CPA6: variants seen among roughly 807,000 people sequenced by gnomAD.
CPA6 encodes the protein carboxypeptidase B.
Under a neutral mutation model 63.3 loss-of-function variants are expected in CPA6, and 58 were observed. That is an observed-to-expected ratio of 0.92 (90% CI 0.74 to 1.14). The LOEUF is 1.14. CPA6 is among the 50% of genes most tolerant of loss of function. The pLI, the probability that CPA6 is intolerant of heterozygous loss-of-function variation, is 0.00. For missense variants in CPA6, 565 were observed against 526.6 expected, an observed-to-expected ratio of 1.07 and a Z score of -0.71; for synonymous variants, 185 against 179.0, an observed-to-expected ratio of 1.03 and a Z score of -0.27.
At chr8:67,595,291 C>T (rs571679092) in intron 2 of CPA6, among the ~76,000 whole-genome samples, 3,415 of 152,222 alleles carry the variant, frequency 0.022, 67 homozygotes, top group African/African-American at 0.051. Flanking sequence ...TCTGCCCCTG[C>T]TCGGGGGTGC....
intron 2 of CPA6, among the ~76,000 whole-genome samples, chr8:67,620,440 TTCTG>T (rs1815053263): frequency 6.6e-6 from 1 of 152,178 alleles, no homozygotes; most frequent in Admixed American, 6.5e-5. Context: ...TATCTTAGAA[TTCTG>T]TCTATCACAG....
chr8:67,708,988 C>T (rs1817196851), intron 1 of CPA6, among the ~76,000 whole-genome samples: 2 of 152,142 alleles, frequency 1.3e-5, no homozygotes, highest in Admixed American at 1.3e-4. Flanking sequence ...TAGAAAACAC[C>T]TGAATCTAGT....
intron 8 of CPA6, among the ~76,000 whole-genome samples, chr8:67,462,334 G>A (rs900976543): frequency 6.6e-6 from 1 of 152,134 alleles, no homozygotes; most frequent in Non-Finnish European, 1.5e-5. Context: ...TTCCATGTCA[G>A]TGCATAAAAT....
intron 2 of CPA6, among the ~76,000 whole-genome samples, chr8:67,561,039 T>A (rs1813198612): frequency 6.6e-6 from 1 of 152,188 alleles, no homozygotes; most frequent in African/African-American, 2.4e-5. Flanking sequence ...AATCTCCTTT[T>A]AAAATTCCTA....
intron 1 of CPA6, among the ~76,000 whole-genome samples, chr8:67,686,369 T>C (rs1436562840): frequency 2.6e-5 from 4 of 152,240 alleles, no homozygotes; most frequent in Non-Finnish European, 4.4e-5. Context: ...GTTGCCCATC[T>C]GTCAGTAAAT....
chr8:67,630,984 G>C (rs541235530), intron 1 of CPA6, among the ~76,000 whole-genome samples: 1 of 152,348 alleles, frequency 6.6e-6, no homozygotes, highest in East Asian at 1.9e-4. Flanking sequence ...GGGACCTGCA[G>C]CCCGCCATGA....
intron 1 of CPA6, among the ~76,000 whole-genome samples, chr8:67,628,736 C>T (rs1468441833): frequency 1.3e-5 from 2 of 152,320 alleles, no homozygotes; most frequent in Middle Eastern, 3.4e-3. Context: ...TGTGACTTTA[C>T]ATGAAACAGT....
chr8:67,732,769 TCA>T (rs1404718241), intron 1 of CPA6: 1 of 152,072 alleles, frequency 6.6e-6, no homozygotes, highest in African/African-American at 2.4e-5. Flanking sequence ...TTGAGAGGTT[TCA>T]CAGTGATAAG....
chr8:67,563,933 C>A (rs1362925270), intron 2 of CPA6, among the ~76,000 whole-genome samples: 2 of 152,076 alleles, frequency 1.3e-5, no homozygotes, highest in Non-Finnish European at 2.9e-5. Flanking sequence ...TTTTGGGGTA[C>A]GTGTAGCTCA....
intron 1 of CPA6, among the ~76,000 whole-genome samples, chr8:67,708,088 A>G (rs1239162218): frequency 2.0e-5 from 3 of 152,146 alleles, no homozygotes; most frequent in Admixed American, 2.0e-4. Context: ...CCTCATGAGG[A>G]GAGGAATTTA....
rs184588087 is a variant in CPA6, at chr8:67,659,073, C to T, written c.117-34822G>A. On this transcript the variant is annotated intron_variant, in intron 1 of 10. Coordinates refer to ENST00000297770, the MANE Select transcript of CPA6 (RefSeq NM_020361.5). ...ATGTTTCCATTCATGAAATATAAAA[C>T]TCTTTTCAAATTCTTAGCATGGGCT... Among the ~76,000 whole-genome samples the T allele has an allele frequency of 4.4e-4, 67 of 152,312 alleles. No homozygotes were observed. The Middle Eastern group carries it at 0.031, about 70-fold the overall frequency.
At chr8:67,733,083 C>A (rs1817739517) in intron 1 of CPA6, among the ~76,000 whole-genome samples, 1 of 151,164 alleles carries the variant, frequency 6.6e-6, no homozygotes, top group African/African-American at 2.4e-5. Flanking sequence ...GTAGTCCCAG[C>A]TACTCGGGAG....
At chr8:67,468,289 T>G (rs997306767) in intron 8 of CPA6, among the ~76,000 whole-genome samples, 3 of 151,986 alleles carry the variant, frequency 2.0e-5, no homozygotes, top group Non-Finnish European at 2.9e-5. Flanking sequence ...TCCAAAATCT[T>G]TCAGTGAAAT....
At chr8:67,599,077 G>A (rs1814422963) in intron 2 of CPA6, among the ~76,000 whole-genome samples, 1 of 151,998 alleles carries the variant, frequency 6.6e-6, no homozygotes, top group African/African-American at 2.4e-5. Flanking sequence ...CCTGGTTTAA[G>A]GATTCATTAT....
intron 2 of CPA6, among the ~76,000 whole-genome samples, chr8:67,529,410 A>T (rs1812430898): frequency 6.6e-6 from 1 of 152,190 alleles, no homozygotes; most frequent in Non-Finnish European, 1.5e-5. Context: ...CAGAAGCCCT[A>T]CACAGGCTCA....
chr8:67,439,176 G>A (rs913827336), intron 8 of CPA6, among the ~76,000 whole-genome samples: 1 of 150,648 alleles, frequency 6.6e-6, no homozygotes, highest in African/African-American at 2.4e-5. Context: ...CACACCTGTA[G>A]TCCTAGCTAC....
chr8:67,691,286 C>G (rs920513535), intron 1 of CPA6, among the ~76,000 whole-genome samples: 1 of 152,186 alleles, frequency 6.6e-6, no homozygotes, highest in Non-Finnish European at 1.5e-5. Context: ...TGGTGACTAT[C>G]AATATCTTTG....
chr8:67,741,382 C>A (rs1207071321), intron 1 of CPA6, among the ~76,000 whole-genome samples: 1 of 152,196 alleles, frequency 6.6e-6, no homozygotes, highest in African/African-American at 2.4e-5. Context: ...CTTCTTGGTT[C>A]ATTGAGCTCT....
At chr8:67,441,255 T>C (rs1019107599) in intron 8 of CPA6, among the ~76,000 whole-genome samples, 2 of 152,204 alleles carry the variant, frequency 1.3e-5, no homozygotes, top group Non-Finnish European at 2.9e-5. Context: ...TAAGATATTA[T>C]TCACAATATC....
Sources: gnomAD v4.1 joint callset for allele counts (sites outside exome capture counted in the v4.1 genomes callset) on GRCh38, gnomAD v4.1.1 for gene constraint, MANE v1.5 for transcripts, NCBI Gene and HGNC (gene_info 2026-07-23, HGNC 2026-07-21) for gene names.